The following CNTN4 variants were observed in gnomAD, a reference collection of about 807,000 sequenced individuals.
The protein encoded by CNTN4 is contactin-4.
In CNTN4, 77 loss-of-function variants were observed where a neutral mutation model predicts 122.5. The observed-to-expected ratio is 0.63, with a 90% CI of 0.52 to 0.76. The LOEUF (loss-of-function observed/expected upper bound fraction) is 0.76. Ranked by LOEUF, CNTN4 falls within the 30% of genes least tolerant of loss-of-function variation. The pLI, the probability that CNTN4 is intolerant of heterozygous loss-of-function variation, is 0.00. For synonymous variants in CNTN4, 512 were observed against 447.0 expected (o/e 1.15, Z -1.83); for missense variants, 1,256 against 1,259.1 (o/e 1.00, Z 0.04).
At chr3:2,220,670 A>G (rs1559353614) in intron 2 of CNTN4, among the ~76,000 whole-genome samples, 1 of 152,148 alleles carries the variant, frequency 6.6e-6, no homozygotes, top group African/African-American at 2.4e-5. Flanking sequence ...AAAAGGAAAT[A>G]ATGATATCTC....
intron 4 of CNTN4, among the ~76,000 whole-genome samples, chr3:2,714,828 C>G (rs2087387485): frequency 2.0e-5 from 3 of 152,140 alleles, no homozygotes; most frequent in Admixed American, 2.0e-4. Flanking sequence ...AACTTGAACT[C>G]TTGGGCTCAA....
intron 3 of CNTN4, among the ~76,000 whole-genome samples, chr3:2,557,391 A>C (rs2078762585): frequency 6.6e-6 from 1 of 152,256 alleles, no homozygotes; most frequent in Admixed American, 6.5e-5. Flanking sequence ...CATTTTTAGC[A>C]TACAAGAAGT....
chr3:2,334,841 G>A (rs1178541), intron 2 of CNTN4, among the ~76,000 whole-genome samples: 102,634 of 151,940 alleles, frequency 0.68, 35,321 homozygotes, highest in East Asian at 0.94. Flanking sequence ...GAACATGTTC[G>A]TTAGAATTAT....
chr3:2,342,635 T>C (rs1324598323), intron 3 of CNTN4, among the ~76,000 whole-genome samples: 1 of 152,106 alleles, frequency 6.6e-6, no homozygotes, highest in Non-Finnish European at 1.5e-5. Context: ...TGAGATCTGA[T>C]AGTATTAGAA....
intron 4 of CNTN4, among the ~76,000 whole-genome samples, chr3:2,640,059 T>A (rs1426632791): frequency 6.6e-6 from 1 of 152,238 alleles, no homozygotes; most frequent in Non-Finnish European, 1.5e-5. Context: ...AAACAAATTC[T>A]GTTTTTGTCT....
At chr3:2,391,099 C>T (rs1289179899) in intron 3 of CNTN4, among the ~76,000 whole-genome samples, 1 of 152,164 alleles carries the variant, frequency 6.6e-6, no homozygotes, top group African/African-American at 2.4e-5. Flanking sequence ...TACTGACCTT[C>T]CCTGCTGCAC....
intron 15 of CNTN4, among the ~76,000 whole-genome samples, chr3:3,030,341 T>A (rs930946948): frequency 6.6e-6 from 1 of 152,226 alleles, no homozygotes; most frequent in Non-Finnish European, 1.5e-5. Flanking sequence ...ATGCGAGATT[T>A]CCTTGGAGAA....
At chr3:2,583,868 G>T (rs943903923) in intron 4 of CNTN4, among the ~76,000 whole-genome samples, 23 of 152,102 alleles carry the variant, frequency 1.5e-4, no homozygotes, top group African/African-American at 5.1e-4. Context: ...TTCAAACTCT[G>T]TTCTGCCAGA....
At chr3:2,669,736 A>G (rs1049553226) in intron 4 of CNTN4, among the ~76,000 whole-genome samples, 5 of 152,204 alleles carry the variant, frequency 3.3e-5, no homozygotes, top group South Asian at 2.1e-4. Flanking sequence ...ATTTAGTGCT[A>G]TAAATTTCCC....
intron 4 of CNTN4, among the ~76,000 whole-genome samples, chr3:2,695,637 C>T (rs147378919): frequency 1.4e-4 from 21 of 152,190 alleles, no homozygotes; most frequent in East Asian, 5.8e-4. Context: ...ATAGAGAAGA[C>T]GAACAGAGCA....
At chr3:2,311,103 C>T (rs966003253) in intron 2 of CNTN4, among the ~76,000 whole-genome samples, 2 of 152,046 alleles carry the variant, frequency 1.3e-5, no homozygotes, top group Non-Finnish European at 2.9e-5. Context: ...CCTACCTTTC[C>T]CCCTGAAATA....
Position 2,105,113 on chromosome 3 carries a change from T to G in CNTN4, c.-145+4474T>G, listed in dbSNP as rs376015243. On this transcript the variant is annotated intron_variant, in intron 2 of 24. Transcript: ENST00000418658. ...CTTTGCTTTTTCTCAGTGGCTCTAG[T>G]TGGGCTCCATGTATGCCTTTGAACT... Among the ~76,000 whole-genome samples the G allele has an allele frequency of 3.3e-5, 5 of 152,314 alleles. No individual in the cohort carries two copies. In the South Asian group the frequency reaches 1.0e-3, roughly 32 times the overall value.
At chr3:2,214,462 T>G (rs1043497857) in intron 2 of CNTN4, among the ~76,000 whole-genome samples, 1 of 152,196 alleles carries the variant, frequency 6.6e-6, no homozygotes, top group Non-Finnish European at 1.5e-5. Context: ...TTTCTTTTCT[T>G]GAAAGGGGTG....
intron 3 of CNTN4, among the ~76,000 whole-genome samples, chr3:2,553,122 C>T (rs905325426): frequency 6.6e-6 from 1 of 152,050 alleles, no homozygotes; most frequent in Non-Finnish European, 1.5e-5. Flanking sequence ...GATTAAACAC[C>T]ACACAAAGTA....
chr3:2,285,979 A>G (rs1311630929), intron 2 of CNTN4, among the ~76,000 whole-genome samples: 3 of 152,150 alleles, frequency 2.0e-5, no homozygotes, highest in African/African-American at 2.4e-5. Context: ...GCTGAATCAA[A>G]TATGTATATA....
chr3:2,858,017 A>G (rs1223834643), intron 7 of CNTN4, among the ~76,000 whole-genome samples: 7 of 152,190 alleles, frequency 4.6e-5, no homozygotes, highest in African/African-American at 7.2e-5. Flanking sequence ...TAAATTGCCT[A>G]TAGATTCATA....
At chr3:2,517,250 T>C (rs898085163) in intron 3 of CNTN4, among the ~76,000 whole-genome samples, 1 of 152,142 alleles carries the variant, frequency 6.6e-6, no homozygotes, top group African/African-American at 2.4e-5. Flanking sequence ...GTCTGTCTTA[T>C]TTCAGTGAGT....
At chr3:3,020,503 A>G (rs561381467) in intron 14 of CNTN4, among the ~76,000 whole-genome samples, 2 of 152,328 alleles carry the variant, frequency 1.3e-5, no homozygotes, top group Admixed American at 6.5e-5. Flanking sequence ...GCTCGGATTC[A>G]TAGGCTCTTC....
At chr3:2,706,223 A>G (rs1219771642) in intron 4 of CNTN4, among the ~76,000 whole-genome samples, 1 of 151,860 alleles carries the variant, frequency 6.6e-6, no homozygotes, top group African/African-American at 2.4e-5. Context: ...CCTGGACATC[A>G]CAATAGAATG....
Sources: gnomAD v4.1 joint callset for allele counts (sites outside exome capture counted in the v4.1 genomes callset) on GRCh38, gnomAD v4.1.1 for gene constraint, MANE v1.5 for transcripts, NCBI Gene and HGNC (gene_info 2026-07-23, HGNC 2026-07-21) for gene names.